Variants in PARD3B observed in about 807,000 individuals in gnomAD.
PARD3B encodes the protein par-3 family cell polarity regulator beta, also known as partitioning defective 3 homolog B.
A neutral mutation model predicts 130.2 loss-of-function variants in PARD3B; 103 were observed. The observed-to-expected ratio is 0.79, with a 90% CI of 0.67 to 0.93. The LOEUF (loss-of-function observed/expected upper bound fraction) is 0.93, where lower values mean the gene tolerates loss of function less well. Among genes scored for constraint, PARD3B ranks in the 40% least tolerant of loss-of-function variants. PARD3B has a pLI of 0.00. For missense variants in PARD3B, 1,609 were observed against 1,499.2 expected (o/e 1.07, Z -1.21); for synonymous variants, 583 against 553.2 (o/e 1.05, Z -0.76).
intron 3 of PARD3B, among the ~76,000 whole-genome samples, chr2:205,027,002 G>A (rs1697082961): frequency 6.6e-6 from 1 of 152,128 alleles, no homozygotes; most frequent in African/African-American, 2.4e-5. Flanking sequence ...ATGAACATGA[G>A]GGTGTAGATA....
In PARD3B at chr2:204,686,211, T is replaced by G; in HGVS notation, c.151T>G (p.Leu51Val). 2 of 1,612,366 alleles carry G rather than the reference T, an allele frequency of 1.2e-6. No homozygotes were observed. The highest frequency in any genetic ancestry group is 1.7e-6 in the Non-Finnish European group (2 of 1,178,574). ...GPGYWVKIHHLEYTDGGILDP... is the reference protein window; with the variant it reads ...GPGYWVKIHHVEYTDGGILDP... ...TGGTTACTGGGTGAAGATTCATCAC[T>G]TAGAATATACAGATGGAGGAATCCT... Residue 51 changes from leucine (L) to valine (V), a missense_variant, in exon 2 of 23, where the codon TTA becomes GTA. Coordinates refer to ENST00000406610, the MANE Select transcript of PARD3B (RefSeq NM_001302769.2).
Position 205,020,937 on chromosome 2 carries a change from C to G in PARD3B, c.395-26644C>G, listed in dbSNP as rs1047458721. 9.2e-5 allele frequency among the ~76,000 whole-genome samples: 14 copies of G among 152,220 alleles called. No individual in the cohort carries two copies. The East Asian group carries it at 2.7e-3, about 30-fold the overall frequency. On this transcript the variant is annotated intron_variant, in intron 3 of 22. Transcript: ENST00000406610. ...GGGAGTCTTCAGCCTGAGTGAGATC[C>G]CGCTAGAGGCCTTCCCTTCAGAGAC...
intron 14 of PARD3B, among the ~76,000 whole-genome samples, chr2:205,188,460 G>A (rs115790262): frequency 8.9e-4 from 135 of 152,332 alleles, no homozygotes; most frequent in Non-Finnish European, 1.3e-3. Flanking sequence ...GTGATGGAGG[G>A]TGGAGGGAAT....
Position 204,578,755 on chromosome 2 carries a change from C to A in PARD3B, c.120+32636C>A, listed in dbSNP as rs527357622. The stretch of plus-strand genomic sequence containing the variant: ...TAAAAGTGTCACCTTTGTCCTGATA[C>A]GTTGCTGTTTGTGGATGTTTCCGGA... On this transcript the variant is annotated intron_variant, in intron 1 of 22. Coordinates refer to ENST00000406610, the MANE Select transcript of PARD3B (RefSeq NM_001302769.2). Among the ~76,000 whole-genome samples, 13 of 152,238 alleles carry A rather than the reference C, an allele frequency of 8.5e-5. 1 individual carries two copies. The highest frequency in any genetic ancestry group is 1.5e-5 in the Non-Finnish European group (1 of 68,016).
intron 22 of PARD3B, among the ~76,000 whole-genome samples, chr2:205,581,706 C>T (rs1234370283): frequency 1.3e-5 from 2 of 151,772 alleles, no homozygotes; most frequent in Non-Finnish European, 2.9e-5. Context: ...TGTATCCAAA[C>T]ATCACATGTA....
In PARD3B at chr2:205,158,788, C is replaced by T. The variant is rs199503082; in HGVS notation, c.1501C>T (p.Leu501=). 9.2e-4 allele frequency: 1,483 copies of T among 1,614,174 alleles called. 18 individuals carry two copies. In the South Asian group the frequency reaches 0.01, roughly 11 times the overall value. Residue 501 remains leucine (L), a synonymous_variant, in exon 11 of 23, where the codon CTG becomes TTG. Coordinates refer to ENST00000406610, the MANE Select transcript of PARD3B (RefSeq NM_001302769.2). The surrounding 1 kb of genome is among the most constrained non-coding windows in gnomAD (Gnocchi z 5.4). ...TSEQLTFEIP[L]NDSGSAGLGV... ...CGAGCAGCTCACCTTTGAGATCCCCCTGAATGATTCAGGTTCTGCTGGCCT... is the reference window on the plus strand; with the variant it reads ...CGAGCAGCTCACCTTTGAGATCCCCTTGAATGATTCAGGTTCTGCTGGCCT...
rs1375777684 is a variant in PARD3B, at chr2:205,142,747, G to A, written c.1435-15975G>A. Among the ~76,000 whole-genome samples the A allele has an allele frequency of 1.3e-5, 2 of 152,004 alleles. No individual in the cohort carries two copies. The highest frequency in any genetic ancestry group is 4.8e-5 in the African/African-American group (2 of 41,386). On this transcript the variant is annotated intron_variant, in intron 10 of 22. Coordinates refer to ENST00000406610, the MANE Select transcript of PARD3B (RefSeq NM_001302769.2). The surrounding 1 kb of genome is among the most constrained non-coding windows in gnomAD (Gnocchi z 4.3). ...ACAAAAATTAGCCAGGCGTGGTGGT[G>A]CGTGCCTGTAATCCCAGCTACTCAG...
At chr2:205,060,893 A>G (rs1700027676) in intron 4 of PARD3B, among the ~76,000 whole-genome samples, 1 of 152,178 alleles carries the variant, frequency 6.6e-6, no homozygotes, top group Non-Finnish European at 1.5e-5. Context: ...GGTCATGTAT[A>G]GAGAACCCAT....
intron 18 of PARD3B, among the ~76,000 whole-genome samples, chr2:205,374,393 T>C (rs555055024): frequency 6.6e-6 from 1 of 152,170 alleles, no homozygotes; most frequent in South Asian, 2.1e-4. Flanking sequence ...CAGGCCACCA[T>C]GCCCAGCTAA....
intron 1 of PARD3B, among the ~76,000 whole-genome samples, chr2:204,617,549 T>C (rs1001522526): frequency 1.3e-5 from 2 of 152,176 alleles, no homozygotes; most frequent in African/African-American, 4.8e-5. Flanking sequence ...CATTTTTTTT[T>C]CTTTTTTTAA....
intron 2 of PARD3B, among the ~76,000 whole-genome samples, chr2:204,843,933 A>G (rs1296742236): frequency 6.6e-6 from 1 of 152,116 alleles, no homozygotes; most frequent in Non-Finnish European, 1.5e-5. Flanking sequence ...GACATCCCCT[A>G]CTATCAGGTA....
chr2:205,068,679 T>C (rs1026199754), intron 4 of PARD3B, among the ~76,000 whole-genome samples: 6 of 152,200 alleles, frequency 3.9e-5, no homozygotes, highest in Non-Finnish European at 7.4e-5. Context: ...TTGTTTCTAA[T>C]CAAAGTACAG....
intron 10 of PARD3B, among the ~76,000 whole-genome samples, chr2:205,135,022 G>T (rs2032357381): frequency 6.6e-6 from 1 of 151,808 alleles, no homozygotes; most frequent in Non-Finnish European, 1.5e-5. Context: ...ATGAGATTTG[G>T]CCTCATTTTC....
chr2:205,124,880 A>C (rs536380258), intron 9 of PARD3B, among the ~76,000 whole-genome samples: 3 of 152,216 alleles, frequency 2.0e-5, no homozygotes, highest in African/African-American at 7.2e-5. Flanking sequence ...TGCTTTGTCC[A>C]TATCCCTATC....
chr2:205,408,628 AG>A lies in PARD3B; in HGVS notation c.2741+7507del, dbSNP rs550747662. Among the ~76,000 whole-genome samples the A allele has an allele frequency of 2.5e-3, 374 of 152,322 alleles. 1 individual carries two copies. Among genetic ancestry groups the A allele is most frequent in the Middle Eastern group, 0.014 (4 of 294 alleles). ...TTTGTCATTATTGTACACTCAAAAA[AG>A]GATGTATTAAAGAAACCAGAAGGTT... On this transcript the variant is annotated intron_variant, in intron 19 of 22. Coordinates refer to ENST00000406610, the MANE Select transcript of PARD3B (RefSeq NM_001302769.2).
At chr2:204,758,705 C>T (rs1230168143) in intron 2 of PARD3B, among the ~76,000 whole-genome samples, 1 of 152,106 alleles carries the variant, frequency 6.6e-6, no homozygotes, top group Non-Finnish European at 1.5e-5. Flanking sequence ...TGAAGGAGGA[C>T]AGCCATATAT....
chr2:205,102,918 A>G (rs938917977), intron 4 of PARD3B, among the ~76,000 whole-genome samples: 1 of 151,774 alleles, frequency 6.6e-6, no homozygotes, highest in Non-Finnish European at 1.5e-5. Flanking sequence ...CAAAAGCAAA[A>G]TTAGCCGGGT....
intron 21 of PARD3B, among the ~76,000 whole-genome samples, chr2:205,537,437 T>C (rs1055004267): frequency 2.9e-4 from 44 of 152,208 alleles, no homozygotes; most frequent in African/African-American, 9.9e-4. Context: ...CCTTGCTACA[T>C]GATGCTTCCC....
chr2:204,550,703 T>C (rs1432195856), intron 1 of PARD3B, among the ~76,000 whole-genome samples: 1 of 152,206 alleles, frequency 6.6e-6, no homozygotes, highest in Non-Finnish European at 1.5e-5. Flanking sequence ...ATAATATGTT[T>C]GTTTTACAAG....
Sources: allele counts gnomAD v4.1 joint callset (sites outside exome capture counted in the v4.1 genomes callset), GRCh38; gene constraint gnomAD v4.1.1; non-coding constraint Gnocchi (gnomAD v3.1); transcripts MANE v1.5; gene names NCBI Gene and HGNC (gene_info 2026-07-23, HGNC 2026-07-21).